NTRK2: variants seen among roughly 807,000 people sequenced by gnomAD.
NTRK2 encodes the protein BDNF/NT-3 growth factors receptor.
Under a neutral mutation model 94.5 loss-of-function variants are expected in NTRK2, and 13 were observed. That is an observed-to-expected ratio of 0.14 (90% CI 0.09 to 0.22). NTRK2 has a LOEUF of 0.22. Among genes scored for constraint, NTRK2 ranks in the 10% least tolerant of loss-of-function variants. The pLI is 1.00. For missense variants in NTRK2, 639 were observed against 1,071.2 expected, an observed-to-expected ratio of 0.60 and a Z score of 5.63; for synonymous variants, 372 against 407.4, an observed-to-expected ratio of 0.91 and a Z score of 1.05.
rs943971156 is a variant in NTRK2, at chr9:84,782,906, G to A, written c.1396+30821G>A. On this transcript the variant is annotated intron_variant, in intron 12 of 18. Transcript: ENST00000277120. ...CACGATGCTTAATCTTATGTTATCC[G>A]TGGCTTATGTCCTGAAGTGGGTGGG... is the stretch of plus-strand genomic sequence containing the variant. 3.3e-5 allele frequency among the ~76,000 whole-genome samples: 5 copies of A among 152,212 alleles called. No individual in the cohort carries two copies. In the South Asian group the frequency reaches 6.2e-4, roughly 19 times the overall value.
At chr9:84,939,085 A>G (rs966966727) in intron 15 of NTRK2, among the ~76,000 whole-genome samples, 6 of 151,550 alleles carry the variant, frequency 4.0e-5, no homozygotes, top group Non-Finnish European at 7.4e-5. Flanking sequence ...AAGAAAAGAA[A>G]AAAAAAGAGT....
At chr9:84,812,598 T>G (rs909840944) in intron 12 of NTRK2, 1 of 1,046,324 alleles carries the variant, frequency 9.6e-7, no homozygotes, top group Non-Finnish European at 1.2e-6. Flanking sequence ...GAAAGAGAGA[T>G]GAAATTCAAG....
At chr9:84,771,476 G>A (rs749243342) in intron 12 of NTRK2, among the ~76,000 whole-genome samples, 6 of 152,132 alleles carry the variant, frequency 3.9e-5, no homozygotes, top group Non-Finnish European at 7.4e-5. Flanking sequence ...TCTAGTGTCC[G>A]TATTGGGACC....
At chr9:84,803,691 T>C (rs1564313586) in intron 12 of NTRK2, among the ~76,000 whole-genome samples, 2 of 152,350 alleles carry the variant, frequency 1.3e-5, no homozygotes, top group Middle Eastern at 3.4e-3. Flanking sequence ...AAGAAGTCCC[T>C]GGCCAAACGG....
chr9:84,756,829 G>C (rs942528326), intron 12 of NTRK2, among the ~76,000 whole-genome samples: 3 of 152,166 alleles, frequency 2.0e-5, no homozygotes, highest in African/African-American at 4.8e-5. Flanking sequence ...CCTGCCTTGG[G>C]ATGCAGATCT....
intron 12 of NTRK2, among the ~76,000 whole-genome samples, chr9:84,833,489 GAA>G (rs1442735216): frequency 6.7e-6 from 1 of 150,184 alleles, no homozygotes; most frequent in Non-Finnish European, 1.5e-5. Context: ...GAACAGGAAA[GAA>G]AGAAAGAGGG....
chr9:84,805,736 C>T lies in NTRK2; in HGVS notation c.1396+53651C>T, dbSNP rs2071034766. 2.6e-5 allele frequency among the ~76,000 whole-genome samples: 4 copies of T among 152,286 alleles called. No individual in the cohort carries two copies. The South Asian group carries it at 8.3e-4, about 32-fold the overall frequency. On this transcript the variant is annotated intron_variant, in intron 12 of 18. Coordinates refer to ENST00000277120, the MANE Select transcript of NTRK2 (RefSeq NM_006180.6). Reference sequence around the variant, plus strand: ...TTTAAGAAATAATTGGGTCATGAGGCCTCTGCCCTCATGAATAGATGGGTT... The same window carrying T: ...TTTAAGAAATAATTGGGTCATGAGGTCTCTGCCCTCATGAATAGATGGGTT...
At chr9:84,990,534 G>GTGTTGTC (rs1349412174) in intron 17 of NTRK2, among the ~76,000 whole-genome samples, 1 of 152,176 alleles carries the variant, frequency 6.6e-6, no homozygotes, top group African/African-American at 2.4e-5. Flanking sequence ...GCTTGTTTCT[G>GTGTTGTC]TGTTGTCAGG....
intron 12 of NTRK2, among the ~76,000 whole-genome samples, chr9:84,809,238 C>G (rs942319893): frequency 6.6e-6 from 1 of 151,986 alleles, no homozygotes; most frequent in Admixed American, 6.6e-5. Flanking sequence ...ATTTATTGAG[C>G]AAATTATTTA....
chr9:85,013,359 G>T (rs1831849270), intron 17 of NTRK2, among the ~76,000 whole-genome samples: 1 of 152,130 alleles, frequency 6.6e-6, no homozygotes, highest in Non-Finnish European at 1.5e-5. Flanking sequence ...CTGGAATGCA[G>T]TGGCGTGATG....
chr9:84,934,365 A>G (rs1564478625), intron 15 of NTRK2, 73 bp downstream of exon 15: 1 of 1,557,184 alleles, frequency 6.4e-7, no homozygotes, highest in Non-Finnish European at 8.8e-7. Flanking sequence ...CTATTTTATT[A>G]TATTTTGGTG....
intron 15 of NTRK2, among the ~76,000 whole-genome samples, chr9:84,935,500 T>C (rs2078183324): frequency 6.6e-6 from 1 of 152,158 alleles, no homozygotes; most frequent in Non-Finnish European, 1.5e-5. Flanking sequence ...TCCTAAACTC[T>C]CAGAGAAGAC....
At chr9:84,896,353 T>A (rs142053679) in intron 14 of NTRK2, among the ~76,000 whole-genome samples, 1 of 152,310 alleles carries the variant, frequency 6.6e-6, no homozygotes, top group African/African-American at 2.4e-5. Flanking sequence ...CCTGAAACAC[T>A]GCCCAGCACA....
intron 11 of NTRK2, among the ~76,000 whole-genome samples, chr9:84,751,572 C>G (rs183057566): frequency 6.6e-6 from 1 of 151,706 alleles, no homozygotes; most frequent in Non-Finnish European, 1.5e-5. Context: ...CAAAGTGAGA[C>G]TCCGTCACAC....
intron 14 of NTRK2, among the ~76,000 whole-genome samples, chr9:84,911,889 T>C (rs1428423270): frequency 6.6e-6 from 1 of 152,108 alleles, no homozygotes; most frequent in Non-Finnish European, 1.5e-5. Context: ...TGCAAGCATT[T>C]AGTGCTATAA....
At chr9:84,959,076 G>A (rs1185343168) in intron 17 of NTRK2, among the ~76,000 whole-genome samples, 2 of 152,030 alleles carry the variant, frequency 1.3e-5, no homozygotes, top group East Asian at 1.9e-4. Flanking sequence ...CCATAGCTGG[G>A]GTAATGTGTT....
At position 84,846,151 on chromosome 9, in the gene NTRK2, G is replaced by A. The variant is rs72739909; in HGVS notation, c.1397-14889G>A. Among the ~76,000 whole-genome samples, 420 of 152,286 alleles carry A rather than the reference G, an allele frequency of 2.8e-3. 3 individuals are homozygous for A. Among genetic ancestry groups the A allele is most frequent in the Admixed American group, 5.0e-3 (77 of 15,296 alleles). On this transcript the variant is annotated intron_variant, in intron 12 of 18. Transcript: ENST00000277120. ...TCCAAATTTGACAATGCTTAGTTGT[G>A]TGGATTCAAGCTTCCAAGCTCAAGG...
In NTRK2 at chr9:84,848,106, AGAG is replaced by A. The variant is rs1564384036; in HGVS notation, c.1397-12933_1397-12931del. Among the ~76,000 whole-genome samples the A allele has an allele frequency of 2.0e-3, 296 of 150,550 alleles. 2 individuals carry two copies. Among genetic ancestry groups the A allele is most frequent in the African/African-American group, 7.1e-3 (287 of 40,656 alleles). Reference sequence around the variant, plus strand: ...GAGAGAGAGAGAGAGAGAGAGAGAGAGAGAGCTCAAGCATATGCTCTGGTGTCC... The same window carrying A: ...GAGAGAGAGAGAGAGAGAGAGAGAGAAGCTCAAGCATATGCTCTGGTGTCC... On this transcript the variant is annotated intron_variant, in intron 12 of 18. Coordinates refer to ENST00000277120, the MANE Select transcript of NTRK2 (RefSeq NM_006180.6).
intron 14 of NTRK2, among the ~76,000 whole-genome samples, chr9:84,900,929 C>A (rs1353445610): frequency 2.0e-5 from 3 of 152,090 alleles, no homozygotes; most frequent in Admixed American, 2.0e-4. Flanking sequence ...GATCAAAAAA[C>A]AAATGAGTGG....
Sources: gnomAD v4.1 joint callset for allele counts (sites outside exome capture counted in the v4.1 genomes callset) on GRCh38, gnomAD v4.1.1 for gene constraint, MANE v1.5 for transcripts, NCBI Gene and HGNC (gene_info 2026-07-23, HGNC 2026-07-21) for gene names.